Variants in ARL6IP6 observed in about 807,000 individuals in gnomAD.
The protein encoded by ARL6IP6 is ARF like GTPase 6 interacting protein 6, also known as ADP-ribosylation factor-like protein 6-interacting protein 6.
A neutral mutation model predicts 21.5 loss-of-function variants in ARL6IP6; 22 were observed. The ratio of observed to expected loss-of-function variants is 1.02; its 90% CI spans 0.73 to 1.46. The LOEUF (loss-of-function observed/expected upper bound fraction) is 1.46. ARL6IP6 is among the 40% of genes most tolerant of loss of function. ARL6IP6 has a pLI of 0.00. For missense variants in ARL6IP6, 388 were observed against 299.8 expected, an observed-to-expected ratio of 1.29 and a Z score of -2.17; for synonymous variants, 164 against 125.3, an observed-to-expected ratio of 1.31 and a Z score of -2.06.
chr2:152,738,189 G>T (rs943006750), intron 3 of ARL6IP6, among the ~76,000 whole-genome samples: 1 of 152,248 alleles, frequency 6.6e-6, no homozygotes, highest in Non-Finnish European at 1.5e-5. Context: ...TCACACTGAT[G>T]AAAGAGGTGG....
intron 2 of ARL6IP6, among the ~76,000 whole-genome samples, chr2:152,731,156 A>G (rs559481073): frequency 6.6e-6 from 1 of 152,288 alleles, no homozygotes; most frequent in South Asian, 2.1e-4. Context: ...TGCAATGTAA[A>G]GTAGAAAAAC....
chr2:152,744,685 A>G (rs996212716), intron 3 of ARL6IP6, among the ~76,000 whole-genome samples: 2 of 152,066 alleles, frequency 1.3e-5, no homozygotes, highest in African/African-American at 4.8e-5. Context: ...TTATTGTCTG[A>G]TCACTATGAA....
chr2:152,737,746 C>T (rs1357692536), intron 3 of ARL6IP6, among the ~76,000 whole-genome samples: 1 of 152,124 alleles, frequency 6.6e-6, no homozygotes, highest in Non-Finnish European at 1.5e-5. Context: ...ATTTAATTAC[C>T]TCCCACACGG....
rs761845425 is a variant in ARL6IP6, at chr2:152,718,629, C to T, written c.5C>T (p.Ser2Leu). ...GGTTTCGTTGTGTTTCGCGCCATGTCGTTTGCTGAGAGCGGGTGGCGGTCG... is the reference window on the plus strand; with the variant it reads ...GGTTTCGTTGTGTTTCGCGCCATGTTGTTTGCTGAGAGCGGGTGGCGGTCG... M[S>L]FAESGWRSAL... Residue 2 changes from serine (S) to leucine (L), a missense_variant, in exon 1 of 4, where the codon TCG (serine) becomes TTG (leucine). Ser to Leu is a moderately radical substitution (Grantham distance 145). Coordinates refer to ENST00000326446, the MANE Select transcript of ARL6IP6 (RefSeq NM_152522.7). The T allele has an allele frequency of 1.3e-5, 20 of 1,528,596 alleles. No homozygotes were observed. The African/African-American group carries it at 1.8e-4, about 14-fold the overall frequency. The allele number at this position is 1,528,596 out of a possible 1,614,324, so 94.7% of individuals were successfully genotyped here. A position where few individuals can be genotyped will look rare whatever the true frequency, so the allele number is the denominator to read the frequency against.
chr2:152,721,191 G>A (rs1047417816), intron 2 of ARL6IP6, among the ~76,000 whole-genome samples: 2 of 152,148 alleles, frequency 1.3e-5, no homozygotes, highest in Non-Finnish European at 2.9e-5. Flanking sequence ...CAGGTCCAGA[G>A]AAATATTTAA....
Position 152,723,978 on chromosome 2 carries a change from C to T in ARL6IP6, c.454+3392C>T, listed in dbSNP as rs56410098. Among the ~76,000 whole-genome samples the T allele has an allele frequency of 2.9e-3, 443 of 152,156 alleles. 3 individuals carry two copies. Among genetic ancestry groups the T allele is most frequent in the African/African-American group, 0.01 (424 of 41,498 alleles). On this transcript the variant is annotated intron_variant, in intron 2 of 3. Transcript: ENST00000326446. ...CCTATACTCTATTAAGAAAGTGTTA[C>T]AGTGCTATCTGTGGCTGGGTGGGGT... is the stretch of plus-strand genomic sequence containing the variant.
chr2:152,730,797 G>A (rs1014126360), intron 2 of ARL6IP6, among the ~76,000 whole-genome samples: 17 of 152,136 alleles, frequency 1.1e-4, no homozygotes, highest in African/African-American at 4.1e-4. Context: ...TAGGGCAGAG[G>A]CATCTGCAGG....
intron 2 of ARL6IP6, among the ~76,000 whole-genome samples, chr2:152,731,833 CAT>C (rs893052746): frequency 6.6e-6 from 1 of 152,036 alleles, no homozygotes; most frequent in African/African-American, 2.4e-5. Context: ...ATATATACAA[CAT>C]ATGTATATAT....
At chr2:152,740,038 A>G (rs35421285) in intron 3 of ARL6IP6, among the ~76,000 whole-genome samples, 19,499 of 152,238 alleles carry the variant, frequency 0.13, 1,569 homozygotes, top group Middle Eastern at 0.24. Context: ...GAGAACTGCA[A>G]TTCAGGATGA....
At chr2:152,754,527 A>G (rs1381029084) in intron 3 of ARL6IP6, among the ~76,000 whole-genome samples, 1 of 152,130 alleles carries the variant, frequency 6.6e-6, no homozygotes, top group Non-Finnish European at 1.5e-5. Flanking sequence ...TGCTATGAAC[A>G]CTCAGGTACA....
chr2:152,722,642 C>A (rs566736242), intron 2 of ARL6IP6, among the ~76,000 whole-genome samples: 2 of 152,144 alleles, frequency 1.3e-5, no homozygotes, highest in Non-Finnish European at 2.9e-5. Context: ...GTGGCTCACA[C>A]GTATAATCCC....
chr2:152,756,491 A>T (rs1189534175), intron 3 of ARL6IP6, among the ~76,000 whole-genome samples: 1 of 152,162 alleles, frequency 6.6e-6, no homozygotes, highest in Non-Finnish European at 1.5e-5. Context: ...CAAATTAAGA[A>T]CTTCTGTTCA....
intron 3 of ARL6IP6, among the ~76,000 whole-genome samples, chr2:152,750,770 C>G (rs899076170): frequency 6.6e-6 from 1 of 152,142 alleles, no homozygotes; most frequent in Admixed American, 6.6e-5. Flanking sequence ...CATTTTATAT[C>G]CAGTTAACAC....
intron 3 of ARL6IP6, among the ~76,000 whole-genome samples, chr2:152,737,392 T>TA (rs957083911): frequency 3.9e-5 from 6 of 152,020 alleles, no homozygotes; most frequent in African/African-American, 7.2e-5. Context: ...TAACTAATTT[T>TA]AAAAAAAATT....
chr2:152,746,615 A>C (rs1235811357), intron 3 of ARL6IP6, among the ~76,000 whole-genome samples: 1 of 152,114 alleles, frequency 6.6e-6, no homozygotes, highest in Non-Finnish European at 1.5e-5. Context: ...CCTCATCTCT[A>C]AAATGGAGTA....
At chr2:152,751,429 A>G (rs1253209908) in intron 3 of ARL6IP6, among the ~76,000 whole-genome samples, 3 of 152,194 alleles carry the variant, frequency 2.0e-5, no homozygotes, top group African/African-American at 7.2e-5. Context: ...GTGCTATAGA[A>G]CACTAGAAGT....
At chr2:152,749,901 T>C (rs1389768715) in intron 3 of ARL6IP6, among the ~76,000 whole-genome samples, 1 of 152,242 alleles carries the variant, frequency 6.6e-6, no homozygotes, top group Non-Finnish European at 1.5e-5. Flanking sequence ...GTTTTGCCAT[T>C]GGGTACTCTA....
intron 3 of ARL6IP6, among the ~76,000 whole-genome samples, chr2:152,753,992 C>A (rs909785340): frequency 6.6e-6 from 1 of 151,444 alleles, no homozygotes; most frequent in African/African-American, 2.4e-5. Flanking sequence ...TGAGCCACCA[C>A]GCCCGGTCCA....
intron 3 of ARL6IP6, among the ~76,000 whole-genome samples, chr2:152,750,483 A>T (rs545183172): frequency 6.6e-6 from 1 of 151,692 alleles, no homozygotes; most frequent in South Asian, 2.1e-4. Flanking sequence ...CCAAAAAAAA[A>T]AAAAAAGAGA....
Sources: allele counts gnomAD v4.1 joint callset (sites outside exome capture counted in the v4.1 genomes callset), GRCh38; gene constraint gnomAD v4.1.1; transcripts MANE v1.5; gene names NCBI Gene and HGNC (gene_info 2026-07-23, HGNC 2026-07-21).